The following GAS7 variants were observed in gnomAD, a reference collection of about 807,000 sequenced individuals.
GAS7 encodes growth arrest specific 7.
GAS7 carries 28 observed loss-of-function variants against 71.1 expected under a neutral mutation model. The observed-to-expected ratio is 0.39, with a 90% CI of 0.29 to 0.54. The LOEUF (loss-of-function observed/expected upper bound fraction) is 0.54. Ranked by LOEUF, GAS7 falls within the 20% of genes least tolerant of loss-of-function variation. The pLI, the probability that GAS7 is intolerant of heterozygous loss-of-function variation, is 0.62. For missense variants in GAS7, 436 were observed against 627.8 expected (o/e 0.69, Z 3.27); for synonymous variants, 258 against 245.8 (o/e 1.05, Z -0.46).
intron 1 of GAS7, among the ~76,000 whole-genome samples, chr17:10,115,125 A>G (rs1265727211): frequency 6.6e-6 from 1 of 152,240 alleles, no homozygotes; most frequent in East Asian, 1.9e-4. Flanking sequence ...GCTAATCTCC[A>G]GACCTAAATG....
At chr17:10,126,498 AC>A (rs1390754016) in intron 1 of GAS7, among the ~76,000 whole-genome samples, 2 of 150,712 alleles carry the variant, frequency 1.3e-5, no homozygotes, top group Non-Finnish European at 3.0e-5. Flanking sequence ...ACTCACATAC[AC>A]ACAAACACGT....
rs906560071 is a variant in GAS7 at position 9,929,386 on chromosome 17, C to T, written c.886-2617G>A. Among the ~76,000 whole-genome samples, 11 of 152,336 alleles carry T rather than the reference C, an allele frequency of 7.2e-5. No homozygotes were observed. In the South Asian group the frequency reaches 1.0e-3, roughly 14 times the overall value. On this transcript the variant is annotated intron_variant, in intron 9 of 13. Transcript: ENST00000432992. ...CCAAATTCAAATGACATTCTGGAAG[C>T]GTGACGCTGCTAACTATCACAAGTG...
In GAS7 at chr17:9,915,092, T is replaced by C. The variant is rs979830171; in HGVS notation, c.*2136A>G. On this transcript the variant is annotated 3_prime_UTR_variant, in exon 14 of 14. Transcript: ENST00000432992. ...CGTGAAGGGGGTAAAGAGAAGGAGG[T>C]GAGGGGATGAGGGGGGAAAGAGTGA... 1 of 229,038 alleles carries C rather than the reference T, an allele frequency of 4.4e-6. No individual in the cohort carries two copies. Among genetic ancestry groups the C allele is most frequent in the Non-Finnish European group, 8.6e-6 (1 of 116,194 alleles). The allele number at this position is 229,038 out of a possible 1,614,324, so 14.2% of individuals were successfully genotyped here. A position where few individuals can be genotyped will look rare whatever the true frequency, so the allele number is the denominator to read the frequency against.
chr17:9,956,595 G>C (rs1329171359), intron 5 of GAS7, among the ~76,000 whole-genome samples: 1 of 152,140 alleles, frequency 6.6e-6, no homozygotes, highest in African/African-American at 2.4e-5. Flanking sequence ...CCACACCAGG[G>C]ACAGCGGAAA....
At chr17:10,152,671 G>A (rs1054416950) in intron 1 of GAS7, among the ~76,000 whole-genome samples, 6 of 152,284 alleles carry the variant, frequency 3.9e-5, no homozygotes, top group Non-Finnish European at 7.4e-5. Context: ...AGGAGGAGAC[G>A]CAGCCTTCAA....
chr17:9,997,171 T>C (rs2071080930), intron 2 of GAS7, among the ~76,000 whole-genome samples: 1 of 137,954 alleles, frequency 7.2e-6, no homozygotes, highest in Non-Finnish European at 1.5e-5. Context: ...TGAAAAATAT[T>C]GAGGTAGGTC....
intron 1 of GAS7, among the ~76,000 whole-genome samples, chr17:10,064,122 G>A (rs924922666): frequency 6.6e-6 from 1 of 152,204 alleles, no homozygotes; most frequent in Admixed American, 6.5e-5. Flanking sequence ...AGCGGCGGCT[G>A]CTGCAGCTTC....
chr17:9,936,869 G>A (rs898235295), intron 8 of GAS7, among the ~76,000 whole-genome samples: 3 of 152,128 alleles, frequency 2.0e-5, no homozygotes, highest in Admixed American at 6.5e-5. Context: ...ATAAACAACC[G>A]AATTCTGTTT....
chr17:10,008,932 G>A (rs1446786383), intron 2 of GAS7, among the ~76,000 whole-genome samples: 1 of 152,120 alleles, frequency 6.6e-6, no homozygotes, highest in Non-Finnish European at 1.5e-5. Context: ...AACCTTCTCA[G>A]AGGAACTTTT....
intron 2 of GAS7, among the ~76,000 whole-genome samples, chr17:10,001,671 A>G (rs892657804): frequency 2.0e-5 from 3 of 152,228 alleles, no homozygotes; most frequent in African/African-American, 7.2e-5. Flanking sequence ...AGCTTAACAT[A>G]ACCAGGAAAC....
chr17:10,045,862 G>C (rs987162023), intron 1 of GAS7, among the ~76,000 whole-genome samples: 11 of 152,028 alleles, frequency 7.2e-5, no homozygotes, highest in African/African-American at 2.7e-4. Flanking sequence ...TGTACCAGCC[G>C]CACTATTATT....
intron 3 of GAS7, among the ~76,000 whole-genome samples, chr17:9,975,174 G>A (rs1469825383): frequency 1.3e-5 from 2 of 152,140 alleles, no homozygotes; most frequent in African/African-American, 4.8e-5. Flanking sequence ...GCCTAACATG[G>A]TGAAACCCCA....
intron 9 of GAS7, among the ~76,000 whole-genome samples, chr17:9,932,380 A>C (rs2068241406): frequency 6.6e-6 from 1 of 151,968 alleles, no homozygotes; most frequent in Non-Finnish European, 1.5e-5. Flanking sequence ...TTTTTAGTAG[A>C]GATGGGGTTT....
At chr17:10,190,679 T>G (rs528208785) in intron 1 of GAS7, among the ~76,000 whole-genome samples, 1 of 151,654 alleles carries the variant, frequency 6.6e-6, no homozygotes, top group African/African-American at 2.4e-5. Context: ...AGGGGAGAGA[T>G]ATCAGGGAAC....
Position 10,107,663 on chromosome 17 carries a change from G to A in GAS7, c.184-87766C>T, listed in dbSNP as rs576422735. On this transcript the variant is annotated intron_variant, in intron 1 of 13. Coordinates refer to ENST00000432992, the MANE Select transcript of GAS7 (RefSeq NM_201433.2). ...GAGAACCGCCTTACACAGTCCAGTG[G>A]TGGTGGGCTGGGCAGGAGAACTACC... 2.0e-5 allele frequency among the ~76,000 whole-genome samples: 3 copies of A among 148,748 alleles called. No homozygotes were observed. The Admixed American group carries it at 2.0e-4, about 10-fold the overall frequency.
At chr17:10,094,711 G>A (rs958674876) in intron 1 of GAS7, among the ~76,000 whole-genome samples, 1 of 151,876 alleles carries the variant, frequency 6.6e-6, no homozygotes, top group Admixed American at 6.6e-5. Context: ...CTCATGATCC[G>A]CCCGCCTCGG....
intron 1 of GAS7, among the ~76,000 whole-genome samples, chr17:10,126,480 TCA>T (rs922170825): frequency 2.1e-5 from 3 of 145,978 alleles, no homozygotes; most frequent in African/African-American, 7.7e-5. Context: ...ACACGCACAC[TCA>T]CACCCACTCA....
At chr17:10,054,702 C>T (rs1367758763) in intron 1 of GAS7, among the ~76,000 whole-genome samples, 1 of 152,184 alleles carries the variant, frequency 6.6e-6, no homozygotes, top group African/African-American at 2.4e-5. Flanking sequence ...TACCAATCAG[C>T]ACGTCTGCTC....
intron 1 of GAS7, among the ~76,000 whole-genome samples, chr17:10,136,244 G>T (rs1597812450): frequency 6.6e-6 from 1 of 152,284 alleles, no homozygotes; most frequent in Non-Finnish European, 1.5e-5. Flanking sequence ...TGAGTGGGGA[G>T]CCACTTCCTC....
Sources: allele counts gnomAD v4.1 joint callset (sites outside exome capture counted in the v4.1 genomes callset), GRCh38; gene constraint gnomAD v4.1.1; transcripts MANE v1.5; gene names NCBI Gene and HGNC (gene_info 2026-07-23, HGNC 2026-07-21).